ERBB4: variants seen among roughly 807,000 people sequenced by gnomAD.
ERBB4 encodes the protein erb-b2 receptor tyrosine kinase 4.
ERBB4 carries 42 observed loss-of-function variants against 158.0 expected under a neutral mutation model. That is an observed-to-expected ratio of 0.27 (90% CI 0.21 to 0.34). The LOEUF (loss-of-function observed/expected upper bound fraction) is 0.34, where lower values mean the gene tolerates loss of function less well. Ranked by LOEUF, ERBB4 falls within the 10% of genes least tolerant of loss-of-function variation. The pLI is 1.00. For missense variants in ERBB4, 1,333 were observed against 1,624.1 expected, an observed-to-expected ratio of 0.82 and a Z score of 3.08; for synonymous variants, 583 against 558.7, an observed-to-expected ratio of 1.04 and a Z score of -0.61.
At chr2:212,339,438 T>C (rs1196506919) in intron 1 of ERBB4, among the ~76,000 whole-genome samples, 1 of 152,188 alleles carries the variant, frequency 6.6e-6, no homozygotes, top group Non-Finnish European at 1.5e-5. Flanking sequence ...CTTACAGGTA[T>C]GTGTTGTTTT....
At chr2:211,442,557 A>AAATT (rs2064006692) in intron 20 of ERBB4, among the ~76,000 whole-genome samples, 1 of 152,144 alleles carries the variant, frequency 6.6e-6, no homozygotes, top group Non-Finnish European at 1.5e-5. Context: ...GCTATATAAC[A>AAATT]AATTACCCAA....
At chr2:212,161,114 G>C (rs999207987) in intron 1 of ERBB4, among the ~76,000 whole-genome samples, 1 of 151,854 alleles carries the variant, frequency 6.6e-6, no homozygotes, top group African/African-American at 2.4e-5. Context: ...AAGATGGAAG[G>C]CTGCTTAAAA....
intron 11 of ERBB4, among the ~76,000 whole-genome samples, chr2:211,702,751 A>T (rs2073298886): frequency 6.6e-6 from 1 of 152,204 alleles, no homozygotes; most frequent in South Asian, 2.1e-4. Context: ...GCAAACTCAG[A>T]TGCCTTGGGT....
intron 4 of ERBB4, among the ~76,000 whole-genome samples, chr2:211,768,458 T>C (rs1371748395): frequency 1.3e-5 from 2 of 152,348 alleles, no homozygotes; most frequent in South Asian, 2.1e-4. Flanking sequence ...CCTTCCGTAC[T>C]GCCCTAGCAG....
chr2:212,447,925 T>C (rs2092387353), intron 1 of ERBB4, among the ~76,000 whole-genome samples: 1 of 152,024 alleles, frequency 6.6e-6, no homozygotes, highest in East Asian at 1.9e-4. Context: ...CAAAAAAAGC[T>C]CTTCAAAAAT....
At chr2:212,353,945 A>G (rs2089363426) in intron 1 of ERBB4, among the ~76,000 whole-genome samples, 1 of 152,118 alleles carries the variant, frequency 6.6e-6, no homozygotes, top group African/African-American at 2.4e-5. Flanking sequence ...GGGAGTCCAC[A>G]TGTGCTAGAT....
rs776289911 is a variant in ERBB4, at chr2:211,725,207, G to A, written c.623-13C>T. 50 of 1,590,456 alleles carry A rather than the reference G, an allele frequency of 3.1e-5. 1 individual carries two copies. The Middle Eastern group carries it at 5.0e-4, about 16-fold the overall frequency. On this transcript the variant is annotated splice_polypyrimidine_tract_variant and intron_variant, in intron 5 of 27. Coordinates refer to ENST00000342788, the MANE Select transcript of ERBB4 (RefSeq NM_005235.3). ...ACCGTCCTTGTCACTGCAGAAGACAGAGATAGGACCATGATCAAAGTCTGC... is the reference window on the plus strand; with the variant it reads ...ACCGTCCTTGTCACTGCAGAAGACAAAGATAGGACCATGATCAAAGTCTGC...
chr2:212,369,983 A>C (rs1574786304), intron 1 of ERBB4, among the ~76,000 whole-genome samples: 1 of 152,270 alleles, frequency 6.6e-6, no homozygotes, highest in Admixed American at 6.5e-5. Context: ...AAAAAATGAG[A>C]AATTAAAGGG....
rs1383316370 is a variant in ERBB4, at chr2:212,191,787, ATGTT to A, written c.83-66888_83-66885del. On this transcript the variant is annotated intron_variant, in intron 1 of 27. Transcript: ENST00000342788. ...ATGTTATATATAACACGTGTGTTAT[ATGTT>A]CTATATGTTATATATAATACATGTT... is the stretch of plus-strand genomic sequence containing the variant. Among the ~76,000 whole-genome samples, 826 of 144,850 alleles carry A rather than the reference ATGTT, an allele frequency of 5.7e-3. 6 individuals are homozygous for A. The highest frequency in any genetic ancestry group is 8.2e-3 in the Non-Finnish European group (540 of 66,256).
chr2:211,562,988 G>C (rs2067447051), intron 19 of ERBB4, among the ~76,000 whole-genome samples: 2 of 151,946 alleles, frequency 1.3e-5, no homozygotes, highest in Non-Finnish European at 2.9e-5. Context: ...AGCCGGGATG[G>C]TCTCTATCTC....
At chr2:212,064,546 C>T (rs1176969513) in intron 2 of ERBB4, among the ~76,000 whole-genome samples, 3 of 152,228 alleles carry the variant, frequency 2.0e-5, no homozygotes, top group African/African-American at 7.2e-5. Context: ...CAGAGTCTTC[C>T]TTCTCTTTTT....
At chr2:211,625,167 G>T (rs547367968) in intron 17 of ERBB4, among the ~76,000 whole-genome samples, 2 of 152,126 alleles carry the variant, frequency 1.3e-5, no homozygotes, top group South Asian at 2.1e-4. Flanking sequence ...TGAGTAAAAG[G>T]GCAAGTGCAA....
intron 20 of ERBB4, among the ~76,000 whole-genome samples, chr2:211,453,275 T>C (rs2064296008): frequency 6.6e-6 from 1 of 152,178 alleles, no homozygotes; most frequent in African/African-American, 2.4e-5. Flanking sequence ...GTTTAAGTTA[T>C]CTCAAGTCTT....
At chr2:212,189,901 T>A (rs2082135202) in intron 1 of ERBB4, among the ~76,000 whole-genome samples, 1 of 152,198 alleles carries the variant, frequency 6.6e-6, no homozygotes, top group African/African-American at 2.4e-5. Flanking sequence ...TGTAAACCAA[T>A]TATAAGATCA....
chr2:211,940,447 C>T (rs908067691), intron 3 of ERBB4, among the ~76,000 whole-genome samples: 11 of 152,088 alleles, frequency 7.2e-5, no homozygotes, highest in African/African-American at 2.2e-4. Context: ...TATAAGCTTC[C>T]TCTCTTAGGG....
chr2:211,832,602 GTGTGTGTATA>G (rs2077247326), intron 3 of ERBB4, among the ~76,000 whole-genome samples: 2 of 150,398 alleles, frequency 1.3e-5, no homozygotes, highest in African/African-American at 4.9e-5. Flanking sequence ...ACATAAACGT[GTGTGTGTATA>G]TATATATACA....
intron 4 of ERBB4, among the ~76,000 whole-genome samples, chr2:211,754,407 CTT>C (rs59474280): frequency 6.5e-5 from 9 of 138,036 alleles, no homozygotes; most frequent in Admixed American, 2.9e-4. Flanking sequence ...GCAATAATCC[CTT>C]TTTTTTTTTT....
At chr2:212,030,154 G>C (rs79565033) in intron 2 of ERBB4, among the ~76,000 whole-genome samples, 9,760 of 152,168 alleles carry the variant, frequency 0.064, 316 homozygotes, top group South Asian at 0.11. Flanking sequence ...ATGATGAAAT[G>C]TATGAACGCA....
rs2063308313 is a variant in ERBB4 at position 211,413,315 on chromosome 2, C to CAA, written c.3135+7125_3135+7126insTT. On this transcript the variant is annotated intron_variant, in intron 25 of 27. Transcript: ENST00000342788. The stretch of plus-strand genomic sequence containing the variant: ...AGAGAGACCCTGTCTTAAAAACACA[C>CAA]ACACACACACACACACACACACACA... Among the ~76,000 whole-genome samples the CAA allele has an allele frequency of 3.8e-5, 2 of 53,214 alleles. 1 individual carries two copies. Among genetic ancestry groups the CAA allele is most frequent in the Non-Finnish European group, 1.1e-4 (2 of 18,604 alleles). The allele number at this position is 53,214 out of a possible 152,430, so 34.9% of individuals were successfully genotyped here. A position where few individuals can be genotyped will look rare whatever the true frequency, so the allele number is the denominator to read the frequency against.
Sources: allele counts gnomAD v4.1 joint callset (sites outside exome capture counted in the v4.1 genomes callset), GRCh38; gene constraint gnomAD v4.1.1; transcripts MANE v1.5; gene names NCBI Gene and HGNC (gene_info 2026-07-23, HGNC 2026-07-21).